Variants in PRICKLE2 observed in about 807,000 individuals in gnomAD.
PRICKLE2 encodes the protein prickle planar cell polarity protein 2.
Under a neutral mutation model 81.4 loss-of-function variants are expected in PRICKLE2, and 21 were observed. That is an observed-to-expected ratio of 0.26 (90% CI 0.18 to 0.37). The LOEUF is 0.37. Ranked by LOEUF, PRICKLE2 falls within the 10% of genes least tolerant of loss-of-function variation. The probability of loss-of-function intolerance (pLI) is 1.00; values close to 1 mark genes in which losing one functional copy is unlikely to be tolerated. For synonymous variants in PRICKLE2, 456 were observed against 421.5 expected (o/e 1.08, Z -1.00); for missense variants, 940 against 1,109.0 (o/e 0.85, Z 2.16).
intron 1 of PRICKLE2, among the ~76,000 whole-genome samples, chr3:64,213,973 G>A (rs1559583659): frequency 6.6e-6 from 1 of 152,062 alleles, no homozygotes; most frequent in Non-Finnish European, 1.5e-5. Flanking sequence ...TCACAGAGAG[G>A]CCCCCAAATC....
At position 64,116,120 on chromosome 3, in the gene PRICKLE2, C is replaced by T. The variant is rs374112075; in HGVS notation, c.1661-16195G>A. On this transcript the variant is annotated intron_variant, in intron 7 of 7. Transcript: ENST00000638394. ...TTTTGGGTAAATAATGAAATTAAGG[C>T]AGAAATGAAGAAGTACTTAGAAAGT... 4.5e-4 allele frequency among the ~76,000 whole-genome samples: 69 copies of T among 152,136 alleles called. No homozygotes were observed. In the South Asian group the frequency reaches 0.01, roughly 22 times the overall value.
In PRICKLE2 at chr3:64,264,035, A is replaced by AG. The variant is rs957440485; in HGVS notation, c.129-65069_129-65068insC. Among the ~76,000 whole-genome samples, 5 of 152,200 alleles carry AG rather than the reference A, an allele frequency of 3.3e-5. No individual in the cohort carries two copies. The East Asian group carries it at 9.7e-4, about 30-fold the overall frequency. On this transcript the variant is annotated intron_variant, in intron 2 of 8. Coordinates refer to the PRICKLE2 transcript ENST00000295902. ...GGGTGGTTACTGAGTATAAATTATA[A>AG]AGAGAAGACCGCCCACCCCACCCCC... is the stretch of plus-strand genomic sequence containing the variant.
Position 64,267,016 on chromosome 3 carries a change from A to G in PRICKLE2, c.129-68049T>C, listed in dbSNP as rs1336265685. On this transcript the variant is annotated intron_variant, in intron 2 of 8. Transcript: ENST00000295902. ...TGCTTAGGTACACACAAGTGAACAG[A>G]TGGGTGGGGGGAGCTGAAACCTCAT... Among the ~76,000 whole-genome samples the G allele has an allele frequency of 2.6e-5, 4 of 152,010 alleles. No individual in the cohort carries two copies. The East Asian group carries it at 7.7e-4, about 29-fold the overall frequency.
At chr3:64,190,453 G>A (rs535309033) in intron 2 of PRICKLE2, 1 of 151,928 alleles carries the variant, frequency 6.6e-6, no homozygotes, top group Non-Finnish European at 1.5e-5. Context: ...CTAATTATTT[G>A]TCTTTACTCT....
chr3:64,144,704 T>G (rs1039714358), intron 7 of PRICKLE2, among the ~76,000 whole-genome samples: 1 of 152,240 alleles, frequency 6.6e-6, no homozygotes, highest in Admixed American at 6.5e-5. Context: ...CAGTTTGTTT[T>G]CATTTTCAAT....
chr3:64,258,348 T>G lies in PRICKLE2; in HGVS notation c.129-59381A>C, dbSNP rs561819544. Among the ~76,000 whole-genome samples, 17 of 152,256 alleles carry G rather than the reference T, an allele frequency of 1.1e-4. No homozygotes were observed. The South Asian group carries it at 3.5e-3, about 32-fold the overall frequency. ...CCCAGCAACAATTGAATGAATATAT[T>G]TTGATCTATTTAACAATGGAACCCT... On this transcript the variant is annotated intron_variant, in intron 2 of 8. Transcript: ENST00000295902.
rs2106932888 is a variant in PRICKLE2, at chr3:64,097,714, G to A, written c.*1337C>T. The A allele has an allele frequency of 6.6e-6, 1 of 152,580 alleles. No individual in the cohort carries two copies. Among genetic ancestry groups the A allele is most frequent in the African/African-American group, 2.4e-5 (1 of 41,510 alleles). The allele number at this position is 152,580 out of a possible 1,614,324, so 9.5% of individuals were successfully genotyped here. ...GAAATCTCAGCAGCTCAACCTTCCT[G>A]GGTAATCCAGATACTCTGGTTACTA... On this transcript the variant is annotated 3_prime_UTR_variant, in exon 8 of 8. Coordinates refer to ENST00000638394, the MANE Select transcript of PRICKLE2 (RefSeq NM_198859.4).
intron 1 of PRICKLE2, among the ~76,000 whole-genome samples, chr3:64,216,773 T>G (rs1295057029): frequency 1.3e-5 from 2 of 152,168 alleles, no homozygotes; most frequent in Non-Finnish European, 2.9e-5. Context: ...CTAGCAAGAA[T>G]CGAAGCTCCT....
chr3:64,145,220 C>T (rs964951487), intron 7 of PRICKLE2, among the ~76,000 whole-genome samples: 1 of 146,478 alleles, frequency 6.8e-6, no homozygotes, highest in African/African-American at 2.5e-5. Context: ...CTGCTTTAGT[C>T]TCCTAAGTAG....
At chr3:64,237,576 G>A (rs1277932420) in intron 2 of PRICKLE2, among the ~76,000 whole-genome samples, 1 of 152,118 alleles carries the variant, frequency 6.6e-6, no homozygotes, top group African/African-American at 2.4e-5. Context: ...TCCTCTGCCA[G>A]TGGAGCCTGG....
chr3:64,117,579 C>G (rs550924349), intron 7 of PRICKLE2, among the ~76,000 whole-genome samples: 1 of 152,060 alleles, frequency 6.6e-6, no homozygotes, highest in Non-Finnish European at 1.5e-5. Context: ...AAAGCCAGAT[C>G]GGAAATGAAC....
chr3:64,198,081 G>A (rs981305261), intron 2 of PRICKLE2, among the ~76,000 whole-genome samples: 4 of 151,774 alleles, frequency 2.6e-5, no homozygotes, highest in South Asian at 2.1e-4. Flanking sequence ...GGGTGGTGGC[G>A]GGTGCCTGTA....
chr3:64,119,047 A>C (rs74646523), intron 7 of PRICKLE2, among the ~76,000 whole-genome samples: 5,348 of 152,322 alleles, frequency 0.035, 310 homozygotes, highest in East Asian at 0.28. Flanking sequence ...GCCATAAAAA[A>C]GAATGAGATC....
intron 6 of PRICKLE2, among the ~76,000 whole-genome samples, chr3:64,150,711 G>A (rs2077531492): frequency 6.6e-6 from 1 of 152,194 alleles, no homozygotes; most frequent in Non-Finnish European, 1.5e-5. Flanking sequence ...CCTCTGGTCT[G>A]TCTGCCACCA....
intron 2 of PRICKLE2, among the ~76,000 whole-genome samples, chr3:64,172,946 G>T (rs528701740): frequency 1.3e-5 from 2 of 152,248 alleles, no homozygotes; most frequent in East Asian, 3.9e-4. Flanking sequence ...TTGAGCTTTT[G>T]GACTCCAGAA....
At chr3:64,152,682 T>C (rs147070649) in intron 6 of PRICKLE2, among the ~76,000 whole-genome samples, 267 of 152,154 alleles carry the variant, frequency 1.8e-3, no homozygotes, top group Non-Finnish European at 2.9e-3. Context: ...ATGGAAGATA[T>C]CTGTTTAGAT....
At chr3:64,136,794 A>C (rs969104291) in intron 7 of PRICKLE2, among the ~76,000 whole-genome samples, 1 of 152,206 alleles carries the variant, frequency 6.6e-6, no homozygotes, top group Non-Finnish European at 1.5e-5. Flanking sequence ...TCAATAAAAA[A>C]GGAAGTCAAA....
At chr3:64,221,862 C>T (rs2078960974) in intron 1 of PRICKLE2, among the ~76,000 whole-genome samples, 1 of 152,128 alleles carries the variant, frequency 6.6e-6, no homozygotes, top group African/African-American at 2.4e-5. Context: ...GGTCATTGAG[C>T]CCTTCTCAAA....
At chr3:64,258,559 G>A (rs1414584334) in intron 2 of PRICKLE2, among the ~76,000 whole-genome samples, 2 of 152,056 alleles carry the variant, frequency 1.3e-5, no homozygotes, top group South Asian at 4.2e-4. Context: ...GGTGGCTCAC[G>A]CCTGTAATCC....
Sources: gnomAD v4.1 joint callset for allele counts (sites outside exome capture counted in the v4.1 genomes callset) on GRCh38, gnomAD v4.1.1 for gene constraint, MANE v1.5 for transcripts, NCBI Gene and HGNC (gene_info 2026-07-23, HGNC 2026-07-21) for gene names.